HYOU1: variants seen among roughly 807,000 people sequenced by gnomAD.
HYOU1 encodes the protein hypoxia up-regulated 1.
HYOU1 carries 40 observed loss-of-function variants against 120.5 expected under a neutral mutation model. The observed-to-expected ratio is 0.33, with a 90% CI of 0.26 to 0.43. The LOEUF (loss-of-function observed/expected upper bound fraction) is 0.43. Among genes scored for constraint, HYOU1 ranks in the 20% least tolerant of loss-of-function variants. The pLI is 1.00. For synonymous variants in HYOU1, 501 were observed against 479.4 expected (o/e 1.05, Z -0.59); for missense variants, 1,085 against 1,278.3 (o/e 0.85, Z 2.31).
In HYOU1 at chr11:119,048,376, GA is replaced by G. The variant is rs1944211382; in HGVS notation, c.2254-7del. On this transcript the variant is annotated splice_polypyrimidine_tract_variant and splice_region_variant and intron_variant, in intron 19 of 25. Coordinates refer to ENST00000617285, the MANE Select transcript of HYOU1 (RefSeq NM_006389.5). The surrounding 1 kb of genome is among the most constrained non-coding windows in gnomAD (Gnocchi z 4.7). ...TCGGGCTGGTACAGCTTGTCCTGGG[GA>G]GGGGGACATGTAAACACATGCACCC... The G allele has an allele frequency of 6.2e-7, 1 of 1,609,604 alleles. No individual in the cohort carries two copies. Among genetic ancestry groups the G allele is most frequent in the Admixed American group, 1.7e-5 (1 of 60,008 alleles).
At chr11:119,050,890 A>G in intron 14 of HYOU1, 145 bp downstream of exon 14, 3 of 826,248 alleles carry the variant, frequency 3.6e-6, no homozygotes. Flanking sequence ...CCAGATCATC[A>G]GTTAGCTCTG....
chr11:119,045,393 C>A lies in HYOU1; in HGVS notation c.*200G>T. 5.7e-6 allele frequency: 4 copies of A among 702,264 alleles called. No homozygotes were observed. In the Admixed American group the frequency reaches 6.0e-5, roughly 11 times the overall value. The allele number at this position is 702,264 out of a possible 1,614,324, so 43.5% of individuals were successfully genotyped here. A position where few individuals can be genotyped will look rare whatever the true frequency, so the allele number is the denominator to read the frequency against. On this transcript the variant is annotated 3_prime_UTR_variant, in exon 26 of 26. Transcript: ENST00000617285. The stretch of plus-strand genomic sequence containing the variant: ...GTGGGGCTGGGGAGGAGAACAGTTT[C>A]CATTTTTAACCACAGAGGTACTGCA...
In HYOU1 at chr11:119,044,796, T is replaced by TATG. The variant is rs45561535; in HGVS notation, c.*794_*796dup. 4.2e-4 allele frequency: 98 copies of TATG among 231,630 alleles called. 1 individual carries two copies. The East Asian group carries it at 7.0e-3, about 17-fold the overall frequency. 14.3% of individuals were successfully genotyped at this position (231,630 alleles called of 1,614,324 possible). A position where few individuals can be genotyped will look rare whatever the true frequency, so the allele number is the denominator to read the frequency against. On this transcript the variant is annotated 3_prime_UTR_variant, in exon 26 of 26. Coordinates refer to ENST00000617285, the MANE Select transcript of HYOU1 (RefSeq NM_006389.5). ...ACCAGGCTGCTGGGAAGATGCAGATTATGACAGAGCTTGCACGATGCTGGC... is the reference window on the plus strand; with the variant it reads ...ACCAGGCTGCTGGGAAGATGCAGATTATGATGACAGAGCTTGCACGATGCTGGC...
At position 119,048,038 on chromosome 11, in the gene HYOU1, C is replaced by T; in HGVS notation, c.2419G>A (p.Gly807Arg). The T allele has an allele frequency of 6.2e-7, 1 of 1,614,236 alleles. No individual in the cohort carries two copies. The highest frequency in any genetic ancestry group is 8.5e-7 in the Non-Finnish European group (1 of 1,180,038). ...KLAELRKLCQ[G>R]LFFRVEERKK... ...CGCTCCTCTACCCGAAAAAACAGCCCTTGGCACAGCTTCCTCAGCTCAGCC... is the reference window on the plus strand; with the variant it reads ...CGCTCCTCTACCCGAAAAAACAGCCTTTGGCACAGCTTCCTCAGCTCAGCC... Residue 807 changes from glycine (G) to arginine (R), a missense_variant, in exon 21 of 26, where the codon GGG becomes AGG. By Grantham distance (125) the Gly-to-Arg change is moderately radical. Around this residue, in one of 4 missense-constraint regions of HYOU1, gnomAD observed 516 missense variants for 517.1 expected, o/e 1.00. Transcript: ENST00000617285. This position sits in a 1 kb window ranked among gnomAD's most constrained non-coding sequence, Gnocchi z 4.7.
Position 119,055,684 on chromosome 11 carries a change from T to G in HYOU1, c.185+66A>C. 1 of 1,504,692 alleles carries G rather than the reference T, an allele frequency of 6.6e-7. No individual in the cohort carries two copies. Among genetic ancestry groups the G allele is most frequent in the Non-Finnish European group, 9.3e-7 (1 of 1,080,196 alleles). The allele number at this position is 1,504,692 out of a possible 1,614,324, so 93.2% of individuals were successfully genotyped here. A position where few individuals can be genotyped will look rare whatever the true frequency, so the allele number is the denominator to read the frequency against. ...CGAAGTCTGCTGTGGGCACTATGAC[T>G]AACACATTCACACTTGGAGCCCAGA... On this transcript the variant is annotated intron_variant, in intron 3 of 25. Coordinates refer to ENST00000617285, the MANE Select transcript of HYOU1 (RefSeq NM_006389.5). This position sits in a 1 kb window ranked among gnomAD's most constrained non-coding sequence, Gnocchi z 4.0.
chr11:119,044,832 A>G lies in HYOU1; in HGVS notation c.*761T>C. 8.0e-6 allele frequency: 2 copies of G among 249,984 alleles called. No homozygotes were observed. Among genetic ancestry groups the G allele is most frequent in the Admixed American group, 4.2e-5 (1 of 24,052 alleles). 15.5% of individuals were successfully genotyped at this position (249,984 alleles called of 1,614,324 possible). A position where few individuals can be genotyped will look rare whatever the true frequency, so the allele number is the denominator to read the frequency against. On this transcript the variant is annotated 3_prime_UTR_variant, in exon 26 of 26. Transcript: ENST00000617285. The stretch of plus-strand genomic sequence containing the variant: ...TTGCACGATGCTGGCACCCCATGCC[A>G]ACCACTCTACGTGGCTTTCCTCTTC...
rs2133583815 is a variant in HYOU1, at chr11:119,051,258, G to A, written c.1527-85C>T. 4.5e-6 allele frequency: 7 copies of A among 1,571,508 alleles called. No individual in the cohort carries two copies. Among genetic ancestry groups the A allele is most frequent in the Non-Finnish European group, 6.1e-6 (7 of 1,150,762 alleles). ...ACTACATGGCCTCCTGGCACAAGGT[G>A]TCAGGGGCACTCCCCAAGGGCACAC... On this transcript the variant is annotated intron_variant, in intron 13 of 25. Coordinates refer to ENST00000617285, the MANE Select transcript of HYOU1 (RefSeq NM_006389.5). The surrounding 1 kb of genome is among the most constrained non-coding windows in gnomAD (Gnocchi z 4.2).
intron 8 of HYOU1, 101 bp downstream of exon 8, chr11:119,054,020 C>T (rs1281746466): frequency 1.4e-6 from 1 of 713,724 alleles, no homozygotes; most frequent in East Asian, 2.6e-5. Flanking sequence ...GGAGACCATT[C>T]CTGCAGCATG....
At position 119,049,022 on chromosome 11, in the gene HYOU1, G is replaced by A. The variant is rs1429122842; in HGVS notation, c.1988C>T (p.Ala663Val). The A allele has an allele frequency of 6.2e-7, 1 of 1,614,076 alleles. No homozygotes were observed. Among genetic ancestry groups the A allele is most frequent in the South Asian group, 1.1e-5 (1 of 91,082 alleles). ...TEKENGDKSE[A>V]QKPSEKAEAG... Reference sequence around the variant, plus strand: ...CCTTCCTCTGCCACAGCTCACCTGGGCCTCAGACTTGTCCCCATTTTCTTT... The same window carrying A: ...CCTTCCTCTGCCACAGCTCACCTGGACCTCAGACTTGTCCCCATTTTCTTT... Residue 663 changes from alanine to valine, a missense_variant, in exon 17 of 26, where the codon GCC becomes GTC. Ala to Val is a moderately conservative substitution (Grantham distance 64). Around this residue, in one of 4 missense-constraint regions of HYOU1, gnomAD observed 516 missense variants for 517.1 expected, o/e 1.00. Coordinates refer to ENST00000617285, the MANE Select transcript of HYOU1 (RefSeq NM_006389.5).
At chr11:119,046,879 C>G (rs896894617) in intron 22 of HYOU1, 77 bp from the exon 23 acceptor site, 40 of 1,534,646 alleles carry the variant, frequency 2.6e-5, no homozygotes, top group Non-Finnish European at 3.3e-5. Flanking sequence ...GAATCACACC[C>G]CCAACCAGCC....
chr11:119,048,085 T>C lies in HYOU1; in HGVS notation c.2377-5A>G. The C allele has an allele frequency of 3.1e-6, 5 of 1,614,030 alleles. No individual in the cohort carries two copies. The highest frequency in any genetic ancestry group is 3.4e-6 in the Non-Finnish European group (4 of 1,180,018). ...AGCCAGCTTCTCCTTCAACATCTGA[T>C]GGATGTGCGATTGGGCAGAGGGGTG... On this transcript the variant is annotated splice_polypyrimidine_tract_variant and splice_region_variant and intron_variant, in intron 20 of 25. Transcript: ENST00000617285. The surrounding 1 kb of genome is among the most constrained non-coding windows in gnomAD (Gnocchi z 4.7).
rs1804690 is a variant in HYOU1 at position 119,051,488 on chromosome 11, G to A, written c.1476C>T (p.Asn492=). 177,730 of 1,613,958 alleles carry A rather than the reference G, an allele frequency of 0.11. 12,414 individuals are homozygous for A. The highest frequency in any genetic ancestry group is 0.35 in the East Asian group (15,569 of 44,868). ...ITFNRYSHDF[N]FHINYGDLGF... ...CCAGGTCGCCGTAGTTGATGTGGAA[G>A]TTGAAATCATGGCTGTAGCGGTTAA... Residue 492 remains asparagine, a synonymous_variant, in exon 13 of 26, where the codon AAC becomes AAT. Transcript: ENST00000617285. The surrounding 1 kb of genome is among the most constrained non-coding windows in gnomAD (Gnocchi z 4.2).
At position 119,052,787 on chromosome 11, in the gene HYOU1, A is replaced by G; in HGVS notation, c.837T>C (p.Leu279=). Residue 279 remains leucine (L), a synonymous_variant, in exon 9 of 26, where the codon CTT becomes CTC. Transcript: ENST00000617285. This position sits in a 1 kb window ranked among gnomAD's most constrained non-coding sequence, Gnocchi z 5.0. ...TGAAAAGCCCAGCCAGGCGTTCTCGAAGCCGGAGCTCCATCTCCAGGCCCC... is the reference window on the plus strand; with the variant it reads ...TGAAAAGCCCAGCCAGGCGTTCTCGGAGCCGGAGCTCCATCTCCAGGCCCC... ...TLGGLEMELR[L]RERLAGLFNE... 6.2e-7 allele frequency: 1 copy of G among 1,614,130 alleles called. No individual in the cohort carries two copies. Among genetic ancestry groups the G allele is most frequent in the South Asian group, 1.1e-5 (1 of 91,082 alleles).
chr11:119,052,434 G>A lies in HYOU1; in HGVS notation c.988-5C>T, dbSNP rs2133592866. The A allele has an allele frequency of 3.1e-6, 5 of 1,614,170 alleles. No individual in the cohort carries two copies. The highest frequency in any genetic ancestry group is 4.2e-6 in the Non-Finnish European group (5 of 1,180,042). On this transcript the variant is annotated splice_region_variant and splice_polypyrimidine_tract_variant and intron_variant, in intron 9 of 25. Coordinates refer to ENST00000617285, the MANE Select transcript of HYOU1 (RefSeq NM_006389.5). This position sits in a 1 kb window ranked among gnomAD's most constrained non-coding sequence, Gnocchi z 5.0. ...ATCATCCATCAGGCCTTCAATCTGG[G>A]AGAGGATGGGGACTGTCAGGGGGTT...
In HYOU1 at chr11:119,051,170, T is replaced by C; in HGVS notation, c.1530A>G (p.Val510=). 6.2e-7 allele frequency: 1 copy of C among 1,614,166 alleles called. No homozygotes were observed. The highest frequency in any genetic ancestry group is 8.5e-7 in the Non-Finnish European group (1 of 1,180,022). ...CTGTGGTCAGATTCTGGGAGCCAAA[T>C]ACCCTGGTTGGGAAGGAAAGAGGAG... ...LGFLGPEDLR[V]FGSQNLTTVK... is the part of the protein sequence containing the mutation. The change falls in exon 14 of 26, where the codon GTA becomes GTG. Residue 510 remains valine (V), a synonymous_variant. Transcript: ENST00000617285. The surrounding 1 kb of genome is among the most constrained non-coding windows in gnomAD (Gnocchi z 4.2).
rs2133575428 is a variant in HYOU1, at chr11:119,049,759, C to T, written c.1726+18G>A. 2 of 1,613,086 alleles carry T rather than the reference C, an allele frequency of 1.2e-6. No individual in the cohort carries two copies. Among genetic ancestry groups the T allele is most frequent in the South Asian group, 2.2e-5 (2 of 91,068 alleles). On this transcript the variant is annotated intron_variant, in intron 15 of 25. Transcript: ENST00000617285. ...ACAAGTATATTCTCTCCCATACACACATGCATGCTCATCTTACTGGTGAGA... is the reference window on the plus strand; with the variant it reads ...ACAAGTATATTCTCTCCCATACACATATGCATGCTCATCTTACTGGTGAGA...
In HYOU1 at chr11:119,045,538, A is replaced by C; in HGVS notation, c.*55T>G. ...CTCCCCCAACCCTCGATGTTAAATA[A>C]ATAGAAGTGGTGGGGGAAGGGGGTG... On this transcript the variant is annotated 3_prime_UTR_variant, in exon 26 of 26. Coordinates refer to ENST00000617285, the MANE Select transcript of HYOU1 (RefSeq NM_006389.5). 3 of 1,454,712 alleles carry C rather than the reference A, an allele frequency of 2.1e-6. No individual in the cohort carries two copies. Among genetic ancestry groups the C allele is most frequent in the Non-Finnish European group, 2.9e-6 (3 of 1,034,222 alleles). The allele number at this position is 1,454,712 out of a possible 1,614,324, so 90.1% of individuals were successfully genotyped here.
chr11:119,052,953 G>T lies in HYOU1; in HGVS notation c.795-124C>A, dbSNP rs1592150037. On this transcript the variant is annotated intron_variant, in intron 8 of 25. Coordinates refer to ENST00000617285, the MANE Select transcript of HYOU1 (RefSeq NM_006389.5). This position sits in a 1 kb window ranked among gnomAD's most constrained non-coding sequence, Gnocchi z 5.0. ...TCAGGGGACCTTGTTCATCTCCAGT[G>T]CCCCATGTGTGGACACACACTCTGC... is the stretch of plus-strand genomic sequence containing the variant. 1 of 873,994 alleles carries T rather than the reference G, an allele frequency of 1.1e-6. No homozygotes were observed. Among genetic ancestry groups the T allele is most frequent in the Non-Finnish European group, 1.7e-6 (1 of 580,968 alleles). The allele number at this position is 873,994 out of a possible 1,614,324, so 54.1% of individuals were successfully genotyped here. A position where few individuals can be genotyped will look rare whatever the true frequency, so the allele number is the denominator to read the frequency against.
At chr11:119,050,674 C>G (rs1471788277) in intron 14 of HYOU1, among the ~76,000 whole-genome samples, 1 of 120,680 alleles carries the variant, frequency 8.3e-6, no homozygotes, top group Non-Finnish European at 1.6e-5. Flanking sequence ...TGCGCTATGA[C>G]CATGCCATTA....
Sources: allele counts gnomAD v4.1 joint callset (sites outside exome capture counted in the v4.1 genomes callset), GRCh38; gene constraint gnomAD v4.1.1; regional missense constraint gnomAD v4.1.1; non-coding constraint Gnocchi (gnomAD v3.1); transcripts MANE v1.5; gene names NCBI Gene and HGNC (gene_info 2026-07-23, HGNC 2026-07-21).